NAV2: variants seen among roughly 807,000 people sequenced by gnomAD.
NAV2 encodes the protein helicase, APC down-regulated 1.
A neutral mutation model predicts 223.2 loss-of-function variants in NAV2; 54 were observed. The ratio of observed to expected loss-of-function variants is 0.24; its 90% confidence interval spans 0.19 to 0.30. The LOEUF is 0.30. Among genes scored for constraint, NAV2 ranks in the 10% least tolerant of loss-of-function variants. NAV2 has a pLI of 1.00. For synonymous variants in NAV2, 1,279 were observed against 1,239.3 expected, an observed-to-expected ratio of 1.03 and a Z score of -0.67; for missense variants, 2,806 against 3,147.5, an observed-to-expected ratio of 0.89 and a Z score of 2.60.
At chr11:19,850,088 G>A (rs2061029029) in intron 3 of NAV2, among the ~76,000 whole-genome samples, 1 of 152,172 alleles carries the variant, frequency 6.6e-6, no homozygotes, top group Non-Finnish European at 1.5e-5. Flanking sequence ...AAGAGGCCGT[G>A]TATTTTCATG....
chr11:20,067,132 G>A (rs540456774), intron 20 of NAV2, among the ~76,000 whole-genome samples: 11 of 152,294 alleles, frequency 7.2e-5, no homozygotes, highest in African/African-American at 2.6e-4. Context: ...CAGAGTTCAC[G>A]ATTACTTCAC....
intron 1 of NAV2, among the ~76,000 whole-genome samples, chr11:19,645,680 C>T (rs1292899299): frequency 6.6e-6 from 1 of 152,074 alleles, no homozygotes; most frequent in Non-Finnish European, 1.5e-5. Flanking sequence ...AGGCCAGGCA[C>T]TTGCTATATG....
chr11:19,850,401 G>A (rs2061047372), intron 3 of NAV2, among the ~76,000 whole-genome samples: 1 of 152,214 alleles, frequency 6.6e-6, no homozygotes, highest in Non-Finnish European at 1.5e-5. Flanking sequence ...GACTGGGCCT[G>A]TAGTCAGCAT....
At chr11:20,027,350 CGAG>C in intron 11 of NAV2, 1 of 985,428 alleles carries the variant, frequency 1.0e-6, no homozygotes, top group Non-Finnish European at 1.2e-6. Context: ...AGCCAGAAAA[CGAG>C]TTCCACCAGT....
chr11:20,028,664 A>T (rs1206967249), intron 11 of NAV2, among the ~76,000 whole-genome samples: 1 of 152,134 alleles, frequency 6.6e-6, no homozygotes, highest in Non-Finnish European at 1.5e-5. Context: ...TTTGAGTCTC[A>T]TCCTTCTGAT....
At chr11:19,583,206 G>A (rs533371030) in intron 1 of NAV2, among the ~76,000 whole-genome samples, 1 of 152,284 alleles carries the variant, frequency 6.6e-6, no homozygotes, top group South Asian at 2.1e-4. Context: ...AAGAATGCTT[G>A]TGATTTTTGC....
At chr11:19,830,812 G>C (rs1245037691) in intron 1 of NAV2, among the ~76,000 whole-genome samples, 1 of 152,030 alleles carries the variant, frequency 6.6e-6, no homozygotes, top group Non-Finnish European at 1.5e-5. Context: ...TAAATTTCAA[G>C]TTGGCTATTG....
chr11:19,900,736 T>C (rs2042383344), intron 6 of NAV2, among the ~76,000 whole-genome samples: 1 of 152,290 alleles, frequency 6.6e-6, no homozygotes, highest in African/African-American at 2.4e-5. Flanking sequence ...TTATACCTCA[T>C]TTATGGTTTT....
intron 1 of NAV2, among the ~76,000 whole-genome samples, chr11:19,361,352 T>C (rs1853927641): frequency 6.6e-6 from 1 of 152,012 alleles, no homozygotes; most frequent in Admixed American, 6.6e-5. Flanking sequence ...TGGGTTCCAA[T>C]CCCAGCATGT....
chr11:19,535,484 G>A (rs891019417), intron 1 of NAV2, among the ~76,000 whole-genome samples: 2 of 152,190 alleles, frequency 1.3e-5, no homozygotes, highest in African/African-American at 2.4e-5. Flanking sequence ...CCATCCTCAT[G>A]GTGAGAAGGG....
chr11:19,389,548 G>A (rs1207442045), intron 1 of NAV2, among the ~76,000 whole-genome samples: 1 of 152,110 alleles, frequency 6.6e-6, no homozygotes, highest in Non-Finnish European at 1.5e-5. Flanking sequence ...TGAGTCTCAG[G>A]ATCCTCATCT....
chr11:19,796,904 G>T (rs377643547), intron 1 of NAV2, among the ~76,000 whole-genome samples: 3 of 152,102 alleles, frequency 2.0e-5, no homozygotes, highest in Admixed American at 6.5e-5. Context: ...ATTGTCTCTT[G>T]GCACTTGGCA....
chr11:20,046,613 C>CACACACACAT (rs2057467837), intron 14 of NAV2, among the ~76,000 whole-genome samples: 1 of 151,024 alleles, frequency 6.6e-6, no homozygotes, highest in Admixed American at 6.6e-5. Flanking sequence ...CACACACACA[C>CACACACACAT]ACACACACAC....
chr11:19,934,935 G>T (rs758325858), intron 7 of NAV2, among the ~76,000 whole-genome samples: 3 of 152,124 alleles, frequency 2.0e-5, no homozygotes, highest in Non-Finnish European at 4.4e-5. Flanking sequence ...CTCTTTGATG[G>T]CACATCCTCA....
At chr11:19,975,458 A>G (rs2049634875) in intron 10 of NAV2, among the ~76,000 whole-genome samples, 2 of 152,180 alleles carry the variant, frequency 1.3e-5, no homozygotes, top group African/African-American at 4.8e-5. Flanking sequence ...TTATATACGT[A>G]TAGATCTTTT....
intron 19 of NAV2, chr11:20,056,657 G>A (rs780221640): frequency 2.1e-6 from 3 of 1,438,010 alleles, no homozygotes; most frequent in Non-Finnish European, 2.9e-6. Context: ...TTCTGTGGAG[G>A]ATATCATCCC....
chr11:19,890,521 C>T (rs917665143), intron 5 of NAV2, among the ~76,000 whole-genome samples: 8 of 152,194 alleles, frequency 5.3e-5, no homozygotes, highest in African/African-American at 1.7e-4. Context: ...CTGCGTTCCC[C>T]TACACCACTT....
At chr11:19,710,816 C>T (rs2049840314), upstream of NAV2, 1 of 152,204 alleles carries the variant, frequency 6.6e-6, no homozygotes, top group African/African-American at 2.4e-5. Context: ...ATCTAAAAGA[C>T]AATCTCTCCT....
chr11:19,443,777 G>A (rs769671832), intron 1 of NAV2, among the ~76,000 whole-genome samples: 6 of 152,152 alleles, frequency 3.9e-5, no homozygotes, highest in Non-Finnish European at 7.3e-5. Context: ...CTTCTAAAAT[G>A]TCAGTTTTCT....
Sources: allele counts gnomAD v4.1 joint callset (sites outside exome capture counted in the v4.1 genomes callset), GRCh38; gene constraint gnomAD v4.1.1; transcripts MANE v1.5; gene names NCBI Gene and HGNC (gene_info 2026-07-23, HGNC 2026-07-21).